Variants in YLPM1 observed in about 807,000 individuals in gnomAD.
YLPM1 encodes the protein YLP motif containing 1, also known as YLP motif-containing protein 1.
A neutral mutation model predicts 230.0 loss-of-function variants in YLPM1; 99 were observed. The ratio of observed to expected loss-of-function variants is 0.43; its 90% CI spans 0.37 to 0.51. YLPM1 has a LOEUF of 0.51. YLPM1 is among the 20% of genes least tolerant of loss of function. YLPM1 has a pLI of 0.00. For missense variants in YLPM1, 2,592 were observed against 2,707.7 expected (o/e 0.96, Z 0.95); for synonymous variants, 984 against 942.5 (o/e 1.04, Z -0.81).
At chr14:74,818,423 AGAACACCTACTGATATGC>A in intron 16 of YLPM1, 109 bp downstream of exon 16, 1 of 809,922 alleles carries the variant, frequency 1.2e-6, no homozygotes, top group Non-Finnish European at 1.8e-6. Flanking sequence ...TATTCATACA[AGAACACCTACTGATATGC>A]CTTTCATTGA....
chr14:74,785,388 C>T (rs904861801), intron 4 of YLPM1, among the ~76,000 whole-genome samples: 1 of 152,166 alleles, frequency 6.6e-6, no homozygotes, highest in Non-Finnish European at 1.5e-5. Context: ...GTTTTGAAAA[C>T]GTTTCCCCTA....
intron 4 of YLPM1, among the ~76,000 whole-genome samples, chr14:74,785,982 T>G (rs1345970337): frequency 2.0e-5 from 3 of 152,154 alleles, no homozygotes; most frequent in Non-Finnish European, 4.4e-5. Context: ...CCAGGACCTT[T>G]TTTTTCACAT....
chr14:74,792,183 C>T (rs778017069), intron 4 of YLPM1, among the ~76,000 whole-genome samples: 53 of 152,206 alleles, frequency 3.5e-4, no homozygotes, highest in Non-Finnish European at 5.7e-4. Context: ...GATGTATATA[C>T]TTTGACAAGT....
chr14:74,792,527 A>G (rs2091217195), intron 4 of YLPM1, among the ~76,000 whole-genome samples: 1 of 152,138 alleles, frequency 6.6e-6, no homozygotes, highest in Non-Finnish European at 1.5e-5. Flanking sequence ...TGCATGGTTT[A>G]AAAAAATTGG....
At chr14:74,768,270 G>A (rs1372303374) in intron 1 of YLPM1, among the ~76,000 whole-genome samples, 3 of 152,158 alleles carry the variant, frequency 2.0e-5, no homozygotes, top group African/African-American at 4.8e-5. Context: ...TTGTTTCTGA[G>A]AGAGAGTCTC....
chr14:74,787,382 G>A (rs2091160253), intron 4 of YLPM1, among the ~76,000 whole-genome samples: 1 of 152,004 alleles, frequency 6.6e-6, no homozygotes, highest in Non-Finnish European at 1.5e-5. Flanking sequence ...GGCCAACATG[G>A]TGAAGCCCCA....
intron 16 of YLPM1, among the ~76,000 whole-genome samples, chr14:74,818,811 T>C (rs2091499034): frequency 6.6e-6 from 1 of 152,236 alleles, no homozygotes; most frequent in South Asian, 2.1e-4. Flanking sequence ...AATCCTTTAA[T>C]ATAAAATATA....
At chr14:74,831,094 A>G (rs1163192795) in intron 19 of YLPM1, among the ~76,000 whole-genome samples, 1 of 152,098 alleles carries the variant, frequency 6.6e-6, no homozygotes, top group African/African-American at 2.4e-5. Context: ...TTAACTTTTG[A>G]CAATCTGATA....
chr14:74,774,902 T>C (rs1490889302), intron 1 of YLPM1, among the ~76,000 whole-genome samples: 2 of 152,208 alleles, frequency 1.3e-5, no homozygotes, highest in Non-Finnish European at 2.9e-5. Context: ...GGCTCGCTGC[T>C]GCTGTCCAGC....
rs1180503405 is a variant in YLPM1 at position 74,764,121 on chromosome 14, C to T, written c.632C>T (p.Ser211Phe). ...CCCACCCCTTCTTACTCATCCTCCTCCTCTTCCTCGCAATCCTATTTGAGC... is the reference window on the plus strand; with the variant it reads ...CCCACCCCTTCTTACTCATCCTCCTTCTCTTCCTCGCAATCCTATTTGAGC... ...LAPTPSYSSSSSSSQSYLSHS... is the reference protein window; with the variant it reads ...LAPTPSYSSSFSSSQSYLSHS... The change falls in exon 1 of 21, where the codon TCC (serine) becomes TTC (phenylalanine). Residue 211 changes from serine (S) to phenylalanine (F), a missense_variant. Transcript: ENST00000325680. 3 of 1,613,622 alleles carry T rather than the reference C, an allele frequency of 1.9e-6. No individual in the cohort carries two copies. Among genetic ancestry groups the T allele is most frequent in the Admixed American group, 1.7e-5 (1 of 59,968 alleles).
In YLPM1 at chr14:74,780,544, A is replaced by G. The variant is rs953644647; in HGVS notation, c.1250A>G (p.Gln417Arg). The change falls in exon 3 of 21, where the codon CAA becomes CGA. Residue 417 changes from glutamine to arginine, a missense_variant. Coordinates refer to ENST00000325680, the MANE Select transcript of YLPM1 (RefSeq NM_019589.3). ...CACACTCAGTTACAGCAGATTCTACAACAGTATCAGCAGATTATACAGCCC... is the reference window on the plus strand; with the variant it reads ...CACACTCAGTTACAGCAGATTCTACGACAGTATCAGCAGATTATACAGCCC... ...QKHTQLQQIL[Q>R]QYQQIIQPPP... 3.7e-6 allele frequency: 6 copies of G among 1,613,874 alleles called. No individual in the cohort carries two copies. In the African/African-American group the frequency reaches 4.0e-5, roughly 11 times the overall value.
intron 4 of YLPM1, among the ~76,000 whole-genome samples, chr14:74,794,145 A>T (rs548482897): frequency 6.6e-6 from 1 of 151,590 alleles, no homozygotes; most frequent in East Asian, 1.9e-4. Flanking sequence ...TAAAAGGTCA[A>T]CTTGGCTGAG....
chr14:74,821,815 A>G (rs2058918), intron 17 of YLPM1: 108,266 of 152,162 alleles, frequency 0.71, 38,686 homozygotes, highest in East Asian at 0.78. Flanking sequence ...TTCAGTGTTT[A>G]CTGAAGTACA....
At chr14:74,784,628 G>A (rs2241274) in intron 4 of YLPM1, among the ~76,000 whole-genome samples, 53,778 of 152,096 alleles carry the variant, frequency 0.35, 11,559 homozygotes, top group East Asian at 0.54. Flanking sequence ...GCCATATAAG[G>A]CATTGATTCT....
chr14:74,799,614 C>A lies in YLPM1; in HGVS notation c.4317C>A (p.Asp1439Glu). ...GGTCCGATGCAAGCTTAGACTCTGA[C>A]CAAGGCCTTGGAGGGGTAATGGTTC... ...MMGSDASLDS[D>E]QGLGGVMVLS... The change falls in exon 5 of 21, where the codon GAC becomes GAA. Residue 1439 changes from aspartate to glutamate, a missense_variant. Asp to Glu is a conservative substitution (Grantham distance 45). This residue lies in a region of YLPM1 where 1,862 missense variants were observed against 1,819.8 expected (regional missense o/e 1.02). Coordinates refer to ENST00000325680, the MANE Select transcript of YLPM1 (RefSeq NM_019589.3). 6.2e-7 allele frequency: 1 copy of A among 1,613,916 alleles called. No individual in the cohort carries two copies. The highest frequency in any genetic ancestry group is 8.5e-7 in the Non-Finnish European group (1 of 1,179,874).
Position 74,798,336 on chromosome 14 carries a change from T to C in YLPM1, c.3039T>C (p.Asn1013=), listed in dbSNP as rs530301386. 3.7e-6 allele frequency: 6 copies of C among 1,613,814 alleles called. No individual in the cohort carries two copies. The Admixed American group carries it at 5.0e-5, about 13-fold the overall frequency. Residue 1013 remains asparagine, a synonymous_variant, in exon 5 of 21, where the codon AAT becomes AAC. Coordinates refer to ENST00000325680, the MANE Select transcript of YLPM1 (RefSeq NM_019589.3). ...ATAGAGATAATAGATTAGAAGGCAA[T>C]AGAGGCAACAGCTCATCTTACAGAG... ...PDNRDNRLEG[N]RGNSSSYRGP...
chr14:74,796,994 G>A lies in YLPM1; in HGVS notation c.2283-586G>A, dbSNP rs1460178406. ...TTTTTTTTTTTTTTTTTTTTGAGAC[G>A]GAGTCTCACTCTTGTCACCCAGTCT... is the stretch of plus-strand genomic sequence containing the variant. On this transcript the variant is annotated intron_variant, in intron 4 of 20. Coordinates refer to ENST00000325680, the MANE Select transcript of YLPM1 (RefSeq NM_019589.3). Among the ~76,000 whole-genome samples, 5 of 107,452 alleles carry A rather than the reference G, an allele frequency of 4.7e-5. No homozygotes were observed. The South Asian group carries it at 1.3e-3, about 27-fold the overall frequency. The allele number at this position is 107,452 out of a possible 152,430, so 70.5% of individuals were successfully genotyped here.
intron 6 of YLPM1, among the ~76,000 whole-genome samples, chr14:74,803,046 C>T (rs943669829): frequency 1.4e-4 from 21 of 151,880 alleles, no homozygotes; most frequent in African/African-American, 5.1e-4. Flanking sequence ...ATTGCTTGAG[C>T]CCAGGAGTTT....
rs781009528 is a variant in YLPM1 at position 74,798,103 on chromosome 14, G to A, written c.2806G>A (p.Asp936Asn). 1.7e-5 allele frequency: 28 copies of A among 1,613,856 alleles called. No individual in the cohort carries two copies. The highest frequency in any genetic ancestry group is 2.2e-5 in the Non-Finnish European group (26 of 1,179,884). ...TGTTCAAAGTATGGAGACTCAAATCGACAAAGCCCAAGCTGTTACTCAGCC... is the reference window on the plus strand; with the variant it reads ...TGTTCAAAGTATGGAGACTCAAATCAACAAAGCCCAAGCTGTTACTCAGCC... ...QNVQSMETQI[D>N]KAQAVTQPVP... Residue 936 changes from aspartate (D) to asparagine (N), a missense_variant, in exon 5 of 21, where the codon GAC (aspartate) becomes AAC (asparagine). Physicochemically the swap from Asp to Asn is conservative, Grantham distance 23 (BLOSUM62 1). Around this residue, in one of 4 missense-constraint regions of YLPM1, gnomAD observed 1,862 missense variants for 1,819.8 expected, o/e 1.02. Transcript: ENST00000325680.
Sources: gnomAD v4.1 joint callset for allele counts (sites outside exome capture counted in the v4.1 genomes callset) on GRCh38, gnomAD v4.1.1 for gene constraint, gnomAD v4.1.1 regional missense constraint, MANE v1.5 for transcripts, NCBI Gene and HGNC (gene_info 2026-07-23, HGNC 2026-07-21) for gene names.